Variants in ZNF10 observed in about 807,000 individuals in gnomAD.
The protein encoded by ZNF10 is zinc finger protein 10 (KOX 1).
ZNF10 carries 8 observed loss-of-function variants against 12.2 expected under a neutral mutation model. The ratio of observed to expected loss-of-function variants is 0.66; its 90% CI spans 0.39 to 1.18. The LOEUF is 1.18. Among genes scored for constraint, ZNF10 ranks in the 50% most tolerant of loss-of-function variants. The pLI is 0.01. For synonymous variants in ZNF10, 229 were observed against 228.2 expected, an observed-to-expected ratio of 1.00 and a Z score of -0.03; for missense variants, 603 against 678.9, an observed-to-expected ratio of 0.89 and a Z score of 1.24.
At chr12:133,140,706 A>AT (rs1208250550) in intron 1 of ZNF10, among the ~76,000 whole-genome samples, 1 of 151,986 alleles carries the variant, frequency 6.6e-6, no homozygotes, top group African/African-American at 2.4e-5. Context: ...TTTAATTTCC[A>AT]TTTTTTGAAT....
At chr12:133,143,236 G>A (rs551117486) in intron 1 of ZNF10, among the ~76,000 whole-genome samples, 5 of 152,068 alleles carry the variant, frequency 3.3e-5, no homozygotes, top group African/African-American at 4.8e-5. Flanking sequence ...TGTTTGGAGC[G>A]ATGGAAAAGT....
chr12:133,138,725 A>G (rs1405528848), intron 1 of ZNF10, among the ~76,000 whole-genome samples: 1 of 152,122 alleles, frequency 6.6e-6, no homozygotes, highest in Non-Finnish European at 1.5e-5. Context: ...GCCTTTGCTT[A>G]TCTTGAAAAG....
intron 2 of ZNF10, among the ~76,000 whole-genome samples, chr12:133,145,956 G>A (rs1052054286): frequency 1.3e-5 from 2 of 152,196 alleles, no homozygotes; most frequent in Non-Finnish European, 2.9e-5. Flanking sequence ...CTTTGTCTCT[G>A]TGTTCACAGT....
chr12:133,148,687 A>G (rs1955989614), intron 2 of ZNF10, among the ~76,000 whole-genome samples: 1 of 149,640 alleles, frequency 6.7e-6, no homozygotes, highest in African/African-American at 2.5e-5. Context: ...GTGTTTCCAT[A>G]GTATATCTGT....
At chr12:133,151,767 C>T (rs140251749) in intron 3 of ZNF10, 42 bp from the exon 4 acceptor site, 1 of 1,546,808 alleles carries the variant, frequency 6.5e-7, no homozygotes, top group East Asian at 2.3e-5. Flanking sequence ...CCTCAGAGCT[C>T]CCCTGACTCT....
chr12:133,151,164 G>C lies in ZNF10; in HGVS notation c.160+10G>C. Reference sequence around the variant, plus strand: ...AACCTGGTTTCCTTGGGTAAGACTAGCTCTGTTTTTGAAGATTTTGGTTCT... The same window carrying C: ...AACCTGGTTTCCTTGGGTAAGACTACCTCTGTTTTTGAAGATTTTGGTTCT... On this transcript the variant is annotated intron_variant, in intron 3 of 4. Coordinates refer to ENST00000248211, the MANE Select transcript of ZNF10 (RefSeq NM_015394.5). 6.2e-7 allele frequency: 1 copy of C among 1,607,090 alleles called. No homozygotes were observed. Among genetic ancestry groups the C allele is most frequent in the South Asian group, 1.1e-5 (1 of 90,344 alleles).
At chr12:133,142,194 G>A (rs1222299370) in intron 1 of ZNF10, among the ~76,000 whole-genome samples, 2 of 152,030 alleles carry the variant, frequency 1.3e-5, no homozygotes, top group Non-Finnish European at 2.9e-5. Context: ...AGGCCGAGGC[G>A]GGCAGATCAC....
chr12:133,138,683 T>G (rs990605072), intron 1 of ZNF10, among the ~76,000 whole-genome samples: 3 of 152,190 alleles, frequency 2.0e-5, no homozygotes, highest in Non-Finnish European at 2.9e-5. Context: ...TGTAAGTAAT[T>G]TTTTTCAGGC....
Position 133,134,682 on chromosome 12 carries a change from TC to T in ZNF10, c.-60+3931del, listed in dbSNP as rs754277626. Among the ~76,000 whole-genome samples the T allele has an allele frequency of 1.9e-4, 29 of 152,324 alleles. 1 individual carries two copies. In the East Asian group the frequency reaches 5.4e-3, roughly 28 times the overall value. On this transcript the variant is annotated intron_variant, in intron 1 of 4. Coordinates refer to ENST00000248211, the MANE Select transcript of ZNF10 (RefSeq NM_015394.5). ...AGAGTTTACCAAAATAAAAATAGTC[TC>T]CCTTTCTCTGGCACTATGTTTTGAC...
intron 1 of ZNF10, among the ~76,000 whole-genome samples, chr12:133,142,149 G>A (rs932061991): frequency 6.6e-5 from 10 of 152,116 alleles, no homozygotes; most frequent in East Asian, 1.9e-4. Context: ...CAGGCCGGGC[G>A]CGGTGGCTCA....
intron 1 of ZNF10, among the ~76,000 whole-genome samples, chr12:133,136,879 G>A (rs1955915248): frequency 6.6e-6 from 1 of 152,128 alleles, no homozygotes; most frequent in African/African-American, 2.4e-5. Flanking sequence ...ATACAGATAT[G>A]GAAGGCAGAT....
rs1328591743 is a variant in ZNF10, at chr12:133,156,592, A to G, written c.1346A>G (p.Tyr449Cys). 3 of 1,613,720 alleles carry G rather than the reference A, an allele frequency of 1.9e-6. No individual in the cohort carries two copies. The highest frequency in any genetic ancestry group is 2.5e-6 in the Non-Finnish European group (3 of 1,179,926). Residue 449 changes from tyrosine to cysteine, a missense_variant, in exon 5 of 5, where the codon TAT (tyrosine) becomes TGT (cysteine). Tyr to Cys is a radical substitution (Grantham distance 194). This residue lies in a region of ZNF10 where 204 missense variants were observed against 262.8 expected (regional missense o/e 0.78). Transcript: ENST00000248211. ...TGTTTTAGTCGAAGCTCTCACCTTT[A>G]TTCACATCAAAGAACCCACACTGGA... is the stretch of plus-strand genomic sequence containing the variant. ...GKCFSRSSHL[Y>C]SHQRTHTGEK...
intron 2 of ZNF10, among the ~76,000 whole-genome samples, chr12:133,148,714 T>C (rs1218985813): frequency 6.6e-6 from 1 of 152,058 alleles, no homozygotes; most frequent in Non-Finnish European, 1.5e-5. Context: ...CCTTTTACTT[T>C]TAACCTCTCT....
At chr12:133,142,453 T>C (rs1254187070) in intron 1 of ZNF10, among the ~76,000 whole-genome samples, 1 of 147,378 alleles carries the variant, frequency 6.8e-6, no homozygotes, top group African/African-American at 2.5e-5. Flanking sequence ...TTGCAAATCA[T>C]GTATCTGTTA....
chr12:133,141,307 C>T (rs1217748726), intron 1 of ZNF10, among the ~76,000 whole-genome samples: 1 of 152,150 alleles, frequency 6.6e-6, no homozygotes, highest in Non-Finnish European at 1.5e-5. Flanking sequence ...AATACAATAA[C>T]ATTCACAGTA....
chr12:133,136,951 C>T (rs1393600689), intron 1 of ZNF10, among the ~76,000 whole-genome samples: 2 of 152,198 alleles, frequency 1.3e-5, no homozygotes, highest in Non-Finnish European at 2.9e-5. Flanking sequence ...TTCTCTGTGG[C>T]TTACTCACTG....
At chr12:133,155,399 T>G in intron 4 of ZNF10, 104 bp from the exon 5 acceptor site, 1 of 1,240,134 alleles carries the variant, frequency 8.1e-7, no homozygotes, top group Non-Finnish European at 1.1e-6. Flanking sequence ...AAGCCATATT[T>G]GAAAGCAACT....
At position 133,158,467 on chromosome 12, in the gene ZNF10, G is replaced by T. The variant is rs1956055169; in HGVS notation, c.*1499G>T. The T allele has an allele frequency of 6.6e-6, 1 of 152,182 alleles. No individual in the cohort carries two copies. The highest frequency in any genetic ancestry group is 2.1e-4 in the South Asian group (1 of 4,828). 9.4% of individuals were successfully genotyped at this position (152,182 alleles called of 1,614,324 possible). A position where few individuals can be genotyped will look rare whatever the true frequency, so the allele number is the denominator to read the frequency against. ...TTTCATTTCTGAGGATCAATAAACAGCTTGTAATGTTGTATACACATTTAT... is the reference window on the plus strand; with the variant it reads ...TTTCATTTCTGAGGATCAATAAACATCTTGTAATGTTGTATACACATTTAT... On this transcript the variant is annotated 3_prime_UTR_variant, in exon 5 of 5. Transcript: ENST00000248211.
At chr12:133,147,483 C>A (rs1035343323) in intron 2 of ZNF10, among the ~76,000 whole-genome samples, 1 of 152,092 alleles carries the variant, frequency 6.6e-6, no homozygotes, top group African/African-American at 2.4e-5. Context: ...TTTTAACTTT[C>A]ATTTCCCTAA....
Sources: allele counts gnomAD v4.1 joint callset (sites outside exome capture counted in the v4.1 genomes callset), GRCh38; gene constraint gnomAD v4.1.1; regional missense constraint gnomAD v4.1.1; transcripts MANE v1.5; gene names NCBI Gene and HGNC (gene_info 2026-07-23, HGNC 2026-07-21).